Variants in RACK1 observed in about 807,000 individuals in gnomAD.
RACK1 encodes receptor for activated C kinase 1, also known as small ribosomal subunit protein RACK1.
Under a neutral mutation model 42.2 loss-of-function variants are expected in RACK1, and 3 were observed. The observed-to-expected ratio is 0.07, with a 90% CI of 0.03 to 0.18. The LOEUF is 0.18. Ranked by LOEUF, RACK1 falls within the 10% of genes least tolerant of loss-of-function variation. RACK1 has a pLI of 1.00. For synonymous variants in RACK1, 181 were observed against 154.8 expected (o/e 1.17, Z -1.25); for missense variants, 146 against 403.2 (o/e 0.36, Z 5.46).
At chr5:181,243,307 G>A (rs759433767) in intron 1 of RACK1, 44 of 1,360,120 alleles carry the variant, frequency 3.2e-5, no homozygotes, top group Non-Finnish European at 4.2e-5. Flanking sequence ...CCTTGGGCCG[G>A]GCGGCAGCTC....
intron 6 of RACK1, 35 bp from the exon 7 acceptor site, chr5:181,237,754 C>T (rs961577153): frequency 1.8e-6 from 2 of 1,123,712 alleles, no homozygotes; most frequent in Non-Finnish European, 2.6e-6. Context: ...TTAAGACTTA[C>T]CAATCAAGAG....
In RACK1 at chr5:181,241,601, T is replaced by C. The variant is rs762269467; in HGVS notation, c.320A>G (p.Asp107Gly). 2 of 1,614,050 alleles carry C rather than the reference T, an allele frequency of 1.2e-6. No individual in the cohort carries two copies. The highest frequency in any genetic ancestry group is 1.7e-6 in the Non-Finnish European group (2 of 1,179,992). The change falls in exon 3 of 8, where the codon GAT (aspartate) becomes GGT (glycine). Residue 107 changes from aspartate to glycine, a missense_variant. By Grantham distance (94) the Asp-to-Gly change is moderately conservative. Coordinates refer to ENST00000512805, the MANE Select transcript of RACK1 (RefSeq NM_006098.5). The stretch of plus-strand genomic sequence containing the variant: ...AGAGGAGAAGGCCACACTCAGCACA[T>C]CCTTGGTATGGCCCACAAATCGCCT... ...TTRRFVGHTK[D>G]VLSVAFSSDN... is the part of the protein sequence containing the mutation.
chr5:181,243,110 C>T (rs994439455), intron 1 of RACK1: 1 of 466,260 alleles, frequency 2.1e-6, no homozygotes, highest in Middle Eastern at 4.5e-4. Context: ...ACAAATTTTA[C>T]GATTAACAGC....
At position 181,238,121 on chromosome 5, in the gene RACK1, G is replaced by A; in HGVS notation, c.755C>T (p.Thr252Ile). The change falls in exon 6 of 8, where the codon ACA (threonine) becomes ATA (isoleucine). Residue 252 changes from threonine (T) to isoleucine (I), a missense_variant. Coordinates refer to ENST00000512805, the MANE Select transcript of RACK1 (RefSeq NM_006098.5). ...SPNRYWLCAA[T>I]GPSIKIWDLE... Reference sequence around the variant, plus strand: ...CACCCAGATCTTGATGCTGGGGCCTGTGGCAGCACACAGCCAGTAGCGGTT... The same window carrying A: ...CACCCAGATCTTGATGCTGGGGCCTATGGCAGCACACAGCCAGTAGCGGTT... 6.2e-7 allele frequency: 1 copy of A among 1,614,174 alleles called. No homozygotes were observed. Among genetic ancestry groups the A allele is most frequent in the Middle Eastern group, 1.6e-4 (1 of 6,062 alleles).
chr5:181,238,331 T>C (rs1759213435), intron 5 of RACK1, 92 bp from the exon 6 acceptor site: 6 of 1,300,216 alleles, frequency 4.6e-6, no homozygotes, highest in Non-Finnish European at 6.6e-6. Context: ...AATTCTTACC[T>C]TTCCTCCATT....
intron 5 of RACK1, chr5:181,238,640 T>C: frequency 2.8e-6 from 1 of 353,794 alleles, no homozygotes; most frequent in South Asian, 2.2e-5. Context: ...TCCTCTCTAC[T>C]AACATACAAA....
chr5:181,238,864 C>G, intron 5 of RACK1: 3 of 620,952 alleles, frequency 4.8e-6, no homozygotes, highest in Non-Finnish European at 5.9e-6. Context: ...TATAGAAAAT[C>G]ATCTTTTTCT....
chr5:181,239,623 C>T, intron 3 of RACK1, 41 bp from the exon 4 acceptor site: 1 of 1,337,520 alleles, frequency 7.5e-7, no homozygotes, highest in East Asian at 2.3e-5. Context: ...ACAGTCCTAT[C>T]CCATGAAATG....
At chr5:181,239,404 A>G (rs1245660662) in intron 4 of RACK1, 83 bp downstream of exon 4, 1 of 997,264 alleles carries the variant, frequency 1.0e-6, no homozygotes, top group Non-Finnish European at 1.6e-6. Flanking sequence ...GGCATCTGCA[A>G]AGCTTTCCAC....
intron 1 of RACK1, 41 bp downstream of exon 1, chr5:181,243,651 G>C: frequency 6.4e-7 from 1 of 1,555,190 alleles, no homozygotes; most frequent in Non-Finnish European, 8.7e-7. Context: ...GAATCCCCCA[G>C]CCCTGCAATC....
rs1582294294 is a variant in RACK1 at position 181,239,138 on chromosome 5, T to C, written c.565A>G (p.Ile189Val). 6.2e-7 allele frequency: 1 copy of C among 1,613,970 alleles called. No homozygotes were observed. The highest frequency in any genetic ancestry group is 8.5e-7 in the Non-Finnish European group (1 of 1,179,906). Residue 189 changes from isoleucine to valine, a missense_variant, in exon 5 of 8, where the codon ATT becomes GTT. Coordinates refer to ENST00000512805, the MANE Select transcript of RACK1 (RefSeq NM_006098.5). ...GTGTTCAGATAGCCTGTGTGGCCAA[T>C]GTGGTTGGTCTTCAGCTTGCAGTTA... is the stretch of plus-strand genomic sequence containing the variant. The part of the protein sequence containing the change: ...LANCKLKTNH[I>V]GHTGYLNTVT...
rs113679128 is a variant in RACK1, at chr5:181,236,951, T to TA, written c.*25dup. 1.3e-6 allele frequency: 2 copies of TA among 1,567,616 alleles called. No individual in the cohort carries two copies. Among genetic ancestry groups the TA allele is most frequent in the Middle Eastern group, 1.7e-4 (1 of 5,742 alleles). ...AAGTCAGAAAAGCCAGTTTTTTTTT[T>TA]ATTTGTAAAGCTCTGCCATAAACTT... On this transcript the variant is annotated 3_prime_UTR_variant, in exon 8 of 8. Coordinates refer to ENST00000512805, the MANE Select transcript of RACK1 (RefSeq NM_006098.5).
At chr5:181,238,352 T>G (rs1759214272) in intron 5 of RACK1, 113 bp from the exon 6 acceptor site, 3 of 1,105,418 alleles carry the variant, frequency 2.7e-6, no homozygotes, top group Non-Finnish European at 4.0e-6. Flanking sequence ...ACCCCAGGCT[T>G]CTTTGAAAGC....
At chr5:181,237,246 G>A (rs1271112681) in intron 7 of RACK1, 1 of 967,606 alleles carries the variant, frequency 1.0e-6, no homozygotes. Context: ...GTAGGCATGT[G>A]CCACAACGCC....
chr5:181,237,215 A>G (rs1311055279), intron 7 of RACK1, 173 bp from the exon 8 acceptor site: 2 of 1,284,932 alleles, frequency 1.6e-6, no homozygotes, highest in Non-Finnish European at 2.2e-6. Context: ...AGTTCAAGAG[A>G]TCCTCCCACC....
At chr5:181,243,429 A>C in intron 1 of RACK1, 2 of 1,502,644 alleles carry the variant, frequency 1.3e-6, no homozygotes, top group Non-Finnish European at 8.9e-7. Context: ...GGCAAAAGAT[A>C]TTTTAAAAGT....
intron 3 of RACK1, 69 bp from the exon 4 acceptor site, chr5:181,239,651 A>G (rs1310684608): frequency 2.1e-6 from 2 of 960,618 alleles, no homozygotes; most frequent in East Asian, 2.4e-5. Context: ...TCCCAGCCCT[A>G]CCCCTCAGTA....
chr5:181,239,001 G>A (rs542902029), intron 5 of RACK1, 66 bp downstream of exon 5: 27 of 1,009,122 alleles, frequency 2.7e-5, no homozygotes, highest in East Asian at 1.4e-4. Context: ...CGTTAGAGAC[G>A]CTGGCTAAGT....
At chr5:181,238,977 T>C (rs1408125834) in intron 5 of RACK1, 90 bp downstream of exon 5, 1 of 830,900 alleles carries the variant, frequency 1.2e-6, no homozygotes, top group East Asian at 2.4e-5. Flanking sequence ...TCTTGGCTAA[T>C]GTTTGCCATT....
Sources: allele counts gnomAD v4.1 joint callset, GRCh38; gene constraint gnomAD v4.1.1; transcripts MANE v1.5; gene names NCBI Gene and HGNC (gene_info 2026-07-23, HGNC 2026-07-21).